Variants in MACROD2 observed in about 807,000 individuals in gnomAD.
The protein encoded by MACROD2 is mono-ADP ribosylhydrolase 2.
Under a neutral mutation model 70.4 loss-of-function variants are expected in MACROD2, and 36 were observed. The ratio of observed to expected loss-of-function variants is 0.51; its 90% CI spans 0.39 to 0.68. The LOEUF (loss-of-function observed/expected upper bound fraction) is 0.68. Among genes scored for constraint, MACROD2 ranks in the 30% least tolerant of loss-of-function variants. The pLI, the probability that MACROD2 is intolerant of heterozygous loss-of-function variation, is 0.00. For missense variants in MACROD2, 496 were observed against 538.4 expected (o/e 0.92, Z 0.78); for synonymous variants, 172 against 178.8 (o/e 0.96, Z 0.30).
intron 3 of MACROD2, among the ~76,000 whole-genome samples, chr20:14,209,463 G>A (rs1569207283): frequency 6.6e-6 from 1 of 151,466 alleles, no homozygotes; most frequent in Non-Finnish European, 1.5e-5. Context: ...CAATGATGCT[G>A]GAAAAAAAAT....
rs187342427 is a variant in MACROD2 at position 15,958,899 on chromosome 20, C to G, written c.908-8654C>G. The stretch of plus-strand genomic sequence containing the variant: ...GCCATCTGCAAGCTGGCAAGAGAGC[C>G]TTCGCTGGAAAATGAACTGGCCAGC... On this transcript the variant is annotated intron_variant, in intron 12 of 17. Transcript: ENST00000684519. 1.1e-3 allele frequency among the ~76,000 whole-genome samples: 175 copies of G among 152,298 alleles called. 1 individual carries two copies. The highest frequency in any genetic ancestry group is 4.1e-3 in the African/African-American group (169 of 41,578).
At chr20:15,273,059 T>C (rs2077359415) in intron 6 of MACROD2, among the ~76,000 whole-genome samples, 1 of 152,172 alleles carries the variant, frequency 6.6e-6, no homozygotes, top group Non-Finnish European at 1.5e-5. Context: ...ATACTGAGTG[T>C]CAACTTGATT....
At chr20:15,816,830 C>A (rs1196726714) in intron 8 of MACROD2, among the ~76,000 whole-genome samples, 1 of 152,144 alleles carries the variant, frequency 6.6e-6, no homozygotes, top group Non-Finnish European at 1.5e-5. Flanking sequence ...AGGACTTTAA[C>A]CTGTAAAAGA....
chr20:14,876,477 C>T (rs1445725886), intron 5 of MACROD2, among the ~76,000 whole-genome samples: 2 of 152,034 alleles, frequency 1.3e-5, no homozygotes, highest in Admixed American at 6.6e-5. Context: ...TTAATTAGGT[C>T]CCACTTGTCA....
At chr20:14,781,404 T>C (rs995135550) in intron 5 of MACROD2, among the ~76,000 whole-genome samples, 3 of 150,854 alleles carry the variant, frequency 2.0e-5, no homozygotes, top group Admixed American at 1.3e-4. Context: ...TTCATTTGTC[T>C]TGAGCTCTGC....
In MACROD2 at chr20:14,691,768, A is replaced by G. The variant is rs1007541116; in HGVS notation, c.418+6809A>G. Among the ~76,000 whole-genome samples, 3 of 152,170 alleles carry G rather than the reference A, an allele frequency of 2.0e-5. No homozygotes were observed. In the East Asian group the frequency reaches 5.8e-4, roughly 29 times the overall value. ...ATGCTGCTAGGAGTATGACTCTGCCAGCCTTTGATGAAGACCTGAGGGCCC... is the reference window on the plus strand; with the variant it reads ...ATGCTGCTAGGAGTATGACTCTGCCGGCCTTTGATGAAGACCTGAGGGCCC... On this transcript the variant is annotated intron_variant, in intron 5 of 17. Transcript: ENST00000684519.
chr20:14,792,831 G>T (rs1003779505), intron 5 of MACROD2, among the ~76,000 whole-genome samples: 1 of 151,982 alleles, frequency 6.6e-6, no homozygotes, highest in African/African-American at 2.4e-5. Flanking sequence ...TATTAGAATG[G>T]TGCGGTCACT....
intron 9 of MACROD2, among the ~76,000 whole-genome samples, chr20:15,872,309 C>T (rs1417172186): frequency 6.6e-6 from 1 of 152,128 alleles, no homozygotes; most frequent in Non-Finnish European, 1.5e-5. Flanking sequence ...GGTTTTCTTT[C>T]CTCTTGCTAT....
chr20:15,957,803 G>A (rs1012088939), intron 12 of MACROD2, among the ~76,000 whole-genome samples: 1 of 152,136 alleles, frequency 6.6e-6, no homozygotes, highest in African/African-American at 2.4e-5. Context: ...ACCTACCAAC[G>A]AGGCTGGCCT....
At chr20:15,638,951 C>T (rs1170051213) in intron 8 of MACROD2, among the ~76,000 whole-genome samples, 1 of 152,180 alleles carries the variant, frequency 6.6e-6, no homozygotes, top group Non-Finnish European at 1.5e-5. Context: ...ATGATCTCAG[C>T]AGTCAGGATG....
intron 5 of MACROD2, among the ~76,000 whole-genome samples, chr20:15,209,435 G>A (rs983278248): frequency 1.3e-5 from 2 of 152,176 alleles, no homozygotes; most frequent in African/African-American, 4.8e-5. Context: ...AGGTCTTGGT[G>A]AGTGCTAAAG....
chr20:14,281,509 A>G (rs1461505744), intron 3 of MACROD2, among the ~76,000 whole-genome samples: 3 of 152,200 alleles, frequency 2.0e-5, no homozygotes, highest in East Asian at 1.9e-4. Context: ...TACTTTTGCA[A>G]CTTTGTGAAT....
chr20:15,739,546 G>A (rs534377939), intron 8 of MACROD2, among the ~76,000 whole-genome samples: 24 of 152,234 alleles, frequency 1.6e-4, no homozygotes, highest in African/African-American at 5.8e-4. Context: ...AAAAGATACA[G>A]AAGTATTAGA....
At chr20:15,238,358 G>A (rs2077032437) in intron 6 of MACROD2, among the ~76,000 whole-genome samples, 1 of 152,070 alleles carries the variant, frequency 6.6e-6, no homozygotes, top group Admixed American at 6.5e-5. Context: ...AATATCACGT[G>A]TTGTGTCACC....
chr20:14,068,105 C>T (rs146186979), intron 2 of MACROD2, among the ~76,000 whole-genome samples: 1 of 152,220 alleles, frequency 6.6e-6, no homozygotes, highest in Non-Finnish European at 1.5e-5. Context: ...GCTGAACGCT[C>T]TCATGCGCAT....
chr20:14,313,407 A>T (rs966171031), intron 3 of MACROD2, among the ~76,000 whole-genome samples: 1 of 148,136 alleles, frequency 6.8e-6, no homozygotes, highest in African/African-American at 2.5e-5. Flanking sequence ...TTAAAGATTT[A>T]CTGTAAACTG....
chr20:14,215,260 C>CATCATATATATATGTTCT (rs2081609133), intron 3 of MACROD2, among the ~76,000 whole-genome samples: 1 of 145,982 alleles, frequency 6.9e-6, no homozygotes, highest in Non-Finnish European at 1.5e-5. Flanking sequence ...ATGTATATTC[C>CATCATATATATATGTTCT]ATCATATATA....
At chr20:14,397,008 T>TTA (rs1156458067) in intron 3 of MACROD2, among the ~76,000 whole-genome samples, 2 of 145,812 alleles carry the variant, frequency 1.4e-5, no homozygotes, top group African/African-American at 5.0e-5. Context: ...TTTTTTTTTT[T>TTA]AATTGAGATG....
At chr20:14,129,003 T>C (rs2054686292) in intron 3 of MACROD2, among the ~76,000 whole-genome samples, 1 of 152,244 alleles carries the variant, frequency 6.6e-6, no homozygotes, top group Non-Finnish European at 1.5e-5. Flanking sequence ...AGAGCAGTCA[T>C]GTTAACACAA....
Sources: gnomAD v4.1 joint callset for allele counts (sites outside exome capture counted in the v4.1 genomes callset) on GRCh38, gnomAD v4.1.1 for gene constraint, MANE v1.5 for transcripts, NCBI Gene and HGNC (gene_info 2026-07-23, HGNC 2026-07-21) for gene names.